CCDC15: variants seen among roughly 807,000 people sequenced by gnomAD.
CCDC15 encodes coiled-coil domain-containing protein 15.
Under a neutral mutation model 114.5 loss-of-function variants are expected in CCDC15, and 105 were observed. The observed-to-expected ratio is 0.92, with a 90% CI of 0.78 to 1.08. The LOEUF (loss-of-function observed/expected upper bound fraction) is 1.08. Among genes scored for constraint, CCDC15 ranks in the 50% least tolerant of loss-of-function variants. CCDC15 has a pLI of 0.00. For missense variants in CCDC15, 1,105 were observed against 1,093.6 expected (o/e 1.01, Z -0.15); for synonymous variants, 334 against 377.8 (o/e 0.88, Z 1.34).
chr11:124,990,212 G>A (rs1948244859), intron 8 of CCDC15, among the ~76,000 whole-genome samples: 2 of 152,166 alleles, frequency 1.3e-5, no homozygotes, highest in African/African-American at 4.8e-5. Context: ...GGAGAGGTAG[G>A]GGGGTGGCCA....
At position 124,993,183 on chromosome 11, in the gene CCDC15, A is replaced by G. The variant is rs1242334504; in HGVS notation, c.2154A>G (p.Lys718=). ...TGTTCCTTTAGAACAAGCATATCAA[A>G]CTACCCTCATCTTTTGAGAAATGGG... ...DSPREQNKHI[K]LPSSFEKWEI... is the part of the protein sequence containing the mutation. Residue 718 remains lysine, a synonymous_variant, in exon 11 of 16, where the codon AAA becomes AAG. Coordinates refer to ENST00000344762, the MANE Select transcript of CCDC15 (RefSeq NM_025004.3). The G allele has an allele frequency of 1.0e-5, 16 of 1,605,582 alleles. No homozygotes were observed. Among genetic ancestry groups the G allele is most frequent in the Non-Finnish European group, 1.3e-5 (15 of 1,174,368 alleles).
At chr11:124,991,606 A>G in intron 9 of CCDC15, 23 bp downstream of exon 9, 2 of 1,579,502 alleles carry the variant, frequency 1.3e-6, no homozygotes, top group South Asian at 1.2e-5. Flanking sequence ...AAAAAGATAT[A>G]AACAGGAAGG....
At chr11:124,985,583 G>A (rs1456414715) in intron 6 of CCDC15, among the ~76,000 whole-genome samples, 1 of 152,036 alleles carries the variant, frequency 6.6e-6, no homozygotes, top group Non-Finnish European at 1.5e-5. Flanking sequence ...GATGACTAAT[G>A]ATCTTCAGTA....
intron 13 of CCDC15, among the ~76,000 whole-genome samples, chr11:125,008,646 G>A (rs989874928): frequency 1.3e-5 from 2 of 152,000 alleles, no homozygotes; most frequent in African/African-American, 4.8e-5. Context: ...TACATTTTTT[G>A]TAGATGCGCT....
intron 13 of CCDC15, among the ~76,000 whole-genome samples, chr11:125,016,012 C>T (rs1331945018): frequency 6.6e-6 from 1 of 152,170 alleles, no homozygotes; most frequent in Non-Finnish European, 1.5e-5. Flanking sequence ...GAATAACATA[C>T]TGAAATAAAA....
Position 125,013,841 on chromosome 11 carries a change from A to C in CCDC15, c.2411+8629A>C, listed in dbSNP as rs1008219560. Among the ~76,000 whole-genome samples, 11 of 152,186 alleles carry C rather than the reference A, an allele frequency of 7.2e-5. No individual in the cohort carries two copies. The East Asian group carries it at 2.1e-3, about 29-fold the overall frequency. ...CTAAGTATTTCTTAAGGGGTTTTCA[A>C]AATATGTTTCAGCATGACATTGGAT... On this transcript the variant is annotated intron_variant, in intron 13 of 15. Transcript: ENST00000344762.
At chr11:124,962,652 T>G (rs968274797) in intron 4 of CCDC15, among the ~76,000 whole-genome samples, 1 of 152,116 alleles carries the variant, frequency 6.6e-6, no homozygotes, top group Non-Finnish European at 1.5e-5. Context: ...TCAGTTCTTT[T>G]TTTTTTTTTA....
chr11:124,954,958 T>C (rs780604381), intron 2 of CCDC15, 49 bp downstream of exon 2: 11 of 1,526,698 alleles, frequency 7.2e-6, no homozygotes, highest in Non-Finnish European at 9.9e-6. Context: ...ACCACCCTTT[T>C]TATTAGCCTT....
intron 13 of CCDC15, among the ~76,000 whole-genome samples, chr11:125,010,385 T>G (rs551118540): frequency 6.6e-6 from 1 of 151,906 alleles, no homozygotes; most frequent in Non-Finnish European, 1.5e-5. Context: ...CTGGTGTTTT[T>G]TTTTTTTTTT....
In CCDC15 at chr11:125,038,991, T is replaced by A; in HGVS notation, c.2656T>A (p.Cys886Ser). The change falls in exon 15 of 16, where the codon TGC becomes AGC. Residue 886 changes from cysteine (C) to serine (S), a missense_variant. Physicochemically the swap from Cys to Ser is moderately radical, Grantham distance 112. Coordinates refer to ENST00000344762, the MANE Select transcript of CCDC15 (RefSeq NM_025004.3). ...GTATAATATTACTTTACCTCCACTA[T>A]GCTGTTGTGGTCCTGATTTTTGGGA... is the stretch of plus-strand genomic sequence containing the variant. ...QLYNITLPPL[C>S]CCGPDFWDAH... The A allele has an allele frequency of 6.2e-7, 1 of 1,613,004 alleles. No homozygotes were observed. Among genetic ancestry groups the A allele is most frequent in the South Asian group, 1.1e-5 (1 of 90,916 alleles).
chr11:124,977,611 A>T lies in CCDC15; in HGVS notation c.753+11A>T. On this transcript the variant is annotated intron_variant, in intron 6 of 15. Coordinates refer to ENST00000344762, the MANE Select transcript of CCDC15 (RefSeq NM_025004.3). ...TATATGGAAAATCAGGTAGGGAAAT[A>T]TAAAAAGTAGAGGGGAAAGACATTG... 1 of 1,600,160 alleles carries T rather than the reference A, an allele frequency of 6.2e-7. No individual in the cohort carries two copies. The highest frequency in any genetic ancestry group is 8.5e-7 in the Non-Finnish European group (1 of 1,174,616).
In CCDC15 at chr11:124,993,214, G is replaced by T. The variant is rs745862078; in HGVS notation, c.2185G>T (p.Ala729Ser). ...LPSSFEKWEIARGNTPGVPLA... is the reference protein window; with the variant it reads ...LPSSFEKWEISRGNTPGVPLA... ...CTCATCTTTTGAGAAATGGGAGATTGCAAGAGGAAATACTCCTGGAGTGCC... is the reference window on the plus strand; with the variant it reads ...CTCATCTTTTGAGAAATGGGAGATTTCAAGAGGAAATACTCCTGGAGTGCC... Residue 729 changes from alanine (A) to serine (S), a missense_variant, in exon 11 of 16, where the codon GCA becomes TCA. Ala to Ser is a moderately conservative substitution (Grantham distance 99). Transcript: ENST00000344762. The T allele has an allele frequency of 6.2e-7, 1 of 1,607,018 alleles. No homozygotes were observed. Among genetic ancestry groups the T allele is most frequent in the South Asian group, 1.1e-5 (1 of 90,126 alleles).
At position 124,986,686 on chromosome 11, in the gene CCDC15, T is replaced by TGGGTTTGTGTGTGTGCGC. The variant is rs1948161837; in HGVS notation, c.754-55_754-54insGGTTTGTGTGTGTGCGCG. 1.9e-5 allele frequency: 27 copies of TGGGTTTGTGTGTGTGCGC among 1,392,826 alleles called. No homozygotes were observed. The South Asian group carries it at 4.0e-4, about 21-fold the overall frequency. 86.3% of individuals were successfully genotyped at this position (1,392,826 alleles called of 1,614,324 possible). ...ATGGTGCTGTGTGTGTGTGTGTGTG[T>TGGGTTTGTGTGTGTGCGC]GTGTTTGTGTGTGTGCGCGCGCGCG... is the stretch of plus-strand genomic sequence containing the variant. On this transcript the variant is annotated intron_variant, in intron 6 of 15. Transcript: ENST00000344762.
rs754032673 is a variant in CCDC15 at position 124,954,810 on chromosome 11, G to T, written c.78G>T (p.Lys26Asn). The T allele has an allele frequency of 8.1e-6, 13 of 1,614,030 alleles. No homozygotes were observed. The East Asian group carries it at 2.2e-4, about 28-fold the overall frequency. ...LPLALNPLKS[K>N]DVLAVLAERN... ...TGGCTTTAAACCCCCTGAAGAGCAA[G>T]GACGTGTTGGCAGTGCTGGCTGAGA... The change falls in exon 2 of 16, where the codon AAG (lysine) becomes AAT (asparagine). Residue 26 changes from lysine to asparagine, a missense_variant. Physicochemically the swap from Lys to Asn is moderately conservative, Grantham distance 94. Transcript: ENST00000344762.
Position 124,988,160 on chromosome 11 carries a change from A to G in CCDC15, c.1908+26A>G, listed in dbSNP as rs745385252. On this transcript the variant is annotated intron_variant, in intron 8 of 15. Transcript: ENST00000344762. ...GTAAAATAGAGCAGAAAGGAGATAC[A>G]AAAAGAAGAAATAAGCTACTTAGGG... The G allele has an allele frequency of 3.8e-6, 6 of 1,580,794 alleles. 1 individual carries two copies. Among genetic ancestry groups the G allele is most frequent in the Non-Finnish European group, 5.1e-6 (6 of 1,166,412 alleles).
intron 8 of CCDC15, among the ~76,000 whole-genome samples, chr11:124,989,232 CT>C (rs1449150898): frequency 6.6e-6 from 1 of 152,198 alleles, no homozygotes; most frequent in Non-Finnish European, 1.5e-5. Flanking sequence ...TTCATCAGAG[CT>C]CTTGGGTGAC....
chr11:125,033,795 A>G (rs1227173000), intron 13 of CCDC15, among the ~76,000 whole-genome samples: 5 of 152,210 alleles, frequency 3.3e-5, no homozygotes, highest in Non-Finnish European at 5.9e-5. Context: ...CATTAAATGT[A>G]GAATCCCTAT....
At chr11:124,979,233 C>T (rs1486224083) in intron 6 of CCDC15, among the ~76,000 whole-genome samples, 3 of 152,100 alleles carry the variant, frequency 2.0e-5, no homozygotes, top group Non-Finnish European at 2.9e-5. Flanking sequence ...TGTGATTCCT[C>T]CAGCTTTGCT....
At chr11:124,966,658 T>G (rs1947789504) in intron 4 of CCDC15, among the ~76,000 whole-genome samples, 1 of 152,220 alleles carries the variant, frequency 6.6e-6, no homozygotes, top group Non-Finnish European at 1.5e-5. Flanking sequence ...GTTAATATTG[T>G]TATGTGTGAA....
Sources: allele counts gnomAD v4.1 joint callset (sites outside exome capture counted in the v4.1 genomes callset), GRCh38; gene constraint gnomAD v4.1.1; transcripts MANE v1.5; gene names NCBI Gene and HGNC (gene_info 2026-07-23, HGNC 2026-07-21).